The following KCNK10 variants were observed in gnomAD, a reference collection of about 807,000 sequenced individuals.
KCNK10 encodes the protein potassium channel subfamily K member 10.
Under a neutral mutation model 47.7 loss-of-function variants are expected in KCNK10, and 25 were observed. That is an observed-to-expected ratio of 0.52 (90% CI 0.38 to 0.73). The LOEUF (loss-of-function observed/expected upper bound fraction) is 0.73, where lower values mean the gene tolerates loss of function less well. Ranked by LOEUF, KCNK10 falls within the 30% of genes least tolerant of loss-of-function variation. The pLI is 0.00. For missense variants in KCNK10, 563 were observed against 714.5 expected, an observed-to-expected ratio of 0.79 and a Z score of 2.42; for synonymous variants, 303 against 285.6, an observed-to-expected ratio of 1.06 and a Z score of -0.61.
At chr14:88,272,279 C>T (rs1332000559) in intron 1 of KCNK10, among the ~76,000 whole-genome samples, 2 of 152,158 alleles carry the variant, frequency 1.3e-5, no homozygotes, top group Non-Finnish European at 2.9e-5. Context: ...AAGAAAACTA[C>T]GTGTTCTATG....
intron 1 of KCNK10, among the ~76,000 whole-genome samples, chr14:88,299,515 C>T (rs551285119): frequency 7.9e-5 from 12 of 152,344 alleles, no homozygotes; most frequent in Non-Finnish European, 1.3e-4. Context: ...TCAGTTTCAT[C>T]ATGTCACAGT....
intron 4 of KCNK10, among the ~76,000 whole-genome samples, chr14:88,203,328 T>A (rs1885163573): frequency 6.6e-6 from 1 of 152,342 alleles, no homozygotes; most frequent in Non-Finnish European, 1.5e-5. Context: ...CTATCCAATA[T>A]CCTTTTTAAA....
At chr14:88,211,715 G>T (rs146905903) in intron 4 of KCNK10, among the ~76,000 whole-genome samples, 1 of 151,692 alleles carries the variant, frequency 6.6e-6, no homozygotes, top group Non-Finnish European at 1.5e-5. Context: ...GGACAAAATG[G>T]TGAAACCCCG....
intron 1 of KCNK10, among the ~76,000 whole-genome samples, chr14:88,265,517 A>G (rs1887227743): frequency 6.6e-6 from 1 of 152,098 alleles, no homozygotes; most frequent in Non-Finnish European, 1.5e-5. Context: ...CTGATTTTGA[A>G]CTTCTGACTT....
chr14:88,189,733 A>G (rs1387946417), intron 5 of KCNK10, among the ~76,000 whole-genome samples: 2 of 152,234 alleles, frequency 1.3e-5, no homozygotes, highest in African/African-American at 4.8e-5. Flanking sequence ...CATTTCTAGT[A>G]GAGTTCATAC....
At chr14:88,323,445 A>G (rs1393304196), upstream of KCNK10, among the ~76,000 whole-genome samples, 2 of 142,940 alleles carry the variant, frequency 1.4e-5, no homozygotes, top group Non-Finnish European at 3.1e-5. Context: ...GGCGCGCCCC[A>G]GACGCCGCGC....
chr14:88,289,747 C>T (rs1057025947), intron 1 of KCNK10, among the ~76,000 whole-genome samples: 2 of 152,228 alleles, frequency 1.3e-5, no homozygotes, highest in African/African-American at 4.8e-5. Flanking sequence ...CTTAAGCTCT[C>T]TAAGCCTCAG....
chr14:88,227,648 G>A, intron 3 of KCNK10, 113 bp from the exon 4 acceptor site: 1 of 860,790 alleles, frequency 1.2e-6, no homozygotes, highest in East Asian at 2.6e-5. Context: ...GAGCTTCAGG[G>A]AGTAGAACTT....
rs527395514 is a variant in KCNK10, at chr14:88,297,093, G to A, written c.52+25654C>T. Among the ~76,000 whole-genome samples the A allele has an allele frequency of 4.7e-4, 72 of 152,256 alleles. No individual in the cohort carries two copies. In the South Asian group the frequency reaches 0.015, roughly 32 times the overall value. ...ATACAAAGTACAAAATATGGCTCTTGTTCCAGTTTATCGGAGTACTGCACA... is the reference window on the plus strand; with the variant it reads ...ATACAAAGTACAAAATATGGCTCTTATTCCAGTTTATCGGAGTACTGCACA... On this transcript the variant is annotated intron_variant, in intron 1 of 6. Coordinates refer to ENST00000319231, the MANE Select transcript of KCNK10 (RefSeq NM_138317.3).
At chr14:88,274,549 T>TGAAAAAAAAAAAA (rs1887483966) in intron 1 of KCNK10, among the ~76,000 whole-genome samples, 2 of 40,504 alleles carry the variant, frequency 4.9e-5, no homozygotes, top group Non-Finnish European at 8.1e-5. Context: ...AGACTCTATC[T>TGAAAAAAAAAAAA]AAAAAAAAAA....
chr14:88,276,884 C>T (rs57714912), intron 1 of KCNK10, among the ~76,000 whole-genome samples: 6,384 of 152,306 alleles, frequency 0.042, 433 homozygotes, highest in African/African-American at 0.15. Context: ...TCCAAGTGTA[C>T]CTCCCTATAA....
intron 4 of KCNK10, among the ~76,000 whole-genome samples, chr14:88,220,696 T>C (rs1390195218): frequency 6.6e-6 from 1 of 151,418 alleles, no homozygotes; most frequent in Non-Finnish European, 1.5e-5. Context: ...CTCACACCCT[T>C]CACAAAAATC....
chr14:88,301,855 T>C (rs1237547397), intron 1 of KCNK10, among the ~76,000 whole-genome samples: 1 of 151,976 alleles, frequency 6.6e-6, no homozygotes, highest in Non-Finnish European at 1.5e-5. Context: ...GAGGAACCGA[T>C]AGAGAATTTT....
intron 4 of KCNK10, among the ~76,000 whole-genome samples, chr14:88,206,888 T>C (rs1342993564): frequency 1.3e-5 from 2 of 152,176 alleles, no homozygotes; most frequent in African/African-American, 4.8e-5. Context: ...TATAAAAGAA[T>C]ATTGGATATT....
At chr14:88,187,296 T>C (rs1595069053) in intron 6 of KCNK10, among the ~76,000 whole-genome samples, 1 of 152,112 alleles carries the variant, frequency 6.6e-6, no homozygotes, top group East Asian at 1.9e-4. Context: ...CTCTTTTTTT[T>C]CTCCTTCCTT....
upstream of KCNK10, among the ~76,000 whole-genome samples, chr14:88,325,610 T>G (rs1295314634): frequency 2.0e-5 from 3 of 152,164 alleles, no homozygotes; most frequent in Non-Finnish European, 4.4e-5. Context: ...CCGGGACCCA[T>G]GAATCTGACC....
chr14:88,231,995 C>A (rs1220427191), intron 3 of KCNK10, among the ~76,000 whole-genome samples: 1 of 152,132 alleles, frequency 6.6e-6, no homozygotes, highest in Non-Finnish European at 1.5e-5. Flanking sequence ...AAGTACATAA[C>A]CTTAAGCTGC....
rs199833234 is a variant in KCNK10 at position 88,185,949 on chromosome 14, A to G, written c.1218T>C (p.Ala406=). The G allele has an allele frequency of 1.1e-4, 172 of 1,613,092 alleles. No homozygotes were observed. The highest frequency in any genetic ancestry group is 1.6e-4 in the Middle Eastern group (1 of 6,062). Residue 406 remains alanine (A), a synonymous_variant, in exon 7 of 7, where the codon GCT becomes GCC. Coordinates refer to ENST00000319231, the MANE Select transcript of KCNK10 (RefSeq NM_138317.3). The surrounding 1 kb of genome is among the most constrained non-coding windows in gnomAD (Gnocchi z 4.3). ...MLSPEKRSVF[A]ALDTGRFKAS... is the part of the protein sequence containing the mutation. Reference sequence around the variant, plus strand: ...CCTTGAAGCGGCCGGTGTCCAGGGCAGCAAAGACAGAGCGCTTCTCGGGGG... The same window carrying G: ...CCTTGAAGCGGCCGGTGTCCAGGGCGGCAAAGACAGAGCGCTTCTCGGGGG...
At chr14:88,226,263 C>T (rs534228429) in intron 4 of KCNK10, among the ~76,000 whole-genome samples, 3 of 152,346 alleles carry the variant, frequency 2.0e-5, no homozygotes, top group South Asian at 2.1e-4. Context: ...TATGGTGCCT[C>T]GTTCCTCCCA....
Sources: gnomAD v4.1 joint callset for allele counts (sites outside exome capture counted in the v4.1 genomes callset) on GRCh38, gnomAD v4.1.1 for gene constraint, Gnocchi (gnomAD v3.1) non-coding constraint, MANE v1.5 for transcripts, NCBI Gene and HGNC (gene_info 2026-07-23, HGNC 2026-07-21) for gene names.